Variants in BABAM2 observed in about 807,000 individuals in gnomAD.
The protein encoded by BABAM2 is BRISC and BRCA1-A complex member 2.
BABAM2 carries 31 observed loss-of-function variants against 54.7 expected under a neutral mutation model. The ratio of observed to expected loss-of-function variants is 0.57; its 90% CI spans 0.43 to 0.77. The LOEUF is 0.77. BABAM2 is among the 30% of genes least tolerant of loss of function. The pLI is 0.00. For missense variants in BABAM2, 364 were observed against 455.8 expected (o/e 0.80, Z 1.83); for synonymous variants, 167 against 162.9 (o/e 1.03, Z -0.19).
intron 7 of BABAM2, among the ~76,000 whole-genome samples, chr2:28,236,788 C>T (rs1681955595): frequency 2.0e-5 from 3 of 152,048 alleles, no homozygotes; most frequent in Non-Finnish European, 2.9e-5. Flanking sequence ...AGATAATGGC[C>T]GATAAGCTGT....
intron 5 of BABAM2, among the ~76,000 whole-genome samples, chr2:28,030,432 A>G (rs1333683006): frequency 6.6e-6 from 1 of 152,208 alleles, no homozygotes; most frequent in African/African-American, 2.4e-5. Context: ...GTAACAAGGC[A>G]AAGCTTACAG....
intron 6 of BABAM2, among the ~76,000 whole-genome samples, chr2:28,115,670 G>A (rs1443203217): frequency 6.6e-6 from 1 of 151,742 alleles, no homozygotes; most frequent in Non-Finnish European, 1.5e-5. Flanking sequence ...ATAAAAAAAA[G>A]AGTAGGTCCA....
upstream of BABAM2, chr2:27,890,165 G>A (rs1463500964): frequency 3.3e-6 from 4 of 1,207,738 alleles, no homozygotes; most frequent in African/African-American, 6.0e-5. This position sits in a 1 kb window ranked among gnomAD's most constrained non-coding sequence, Gnocchi z 4.8. Flanking sequence ...TCTATCCCTG[G>A]AGACCCAGCG....
intron 6 of BABAM2, among the ~76,000 whole-genome samples, chr2:28,066,164 A>C (rs988455903): frequency 1.4e-5 from 2 of 147,608 alleles, no homozygotes; most frequent in Admixed American, 6.8e-5. Flanking sequence ...ATCTCATCTC[A>C]AAAAAAAAAT....
intron 2 of BABAM2, among the ~76,000 whole-genome samples, chr2:27,903,827 C>T (rs1390600744): frequency 6.6e-6 from 1 of 152,086 alleles, no homozygotes; most frequent in Non-Finnish European, 1.5e-5. Context: ...AAGATTTGTT[C>T]TTATGTTAGG....
chr2:27,976,238 G>A (rs563303215), intron 3 of BABAM2, among the ~76,000 whole-genome samples: 20 of 152,108 alleles, frequency 1.3e-4, no homozygotes, highest in South Asian at 4.2e-4. Flanking sequence ...GTACATTCAC[G>A]CAAAACATGT....
chr2:28,082,421 G>T (rs1013212908), intron 6 of BABAM2, among the ~76,000 whole-genome samples: 5 of 152,150 alleles, frequency 3.3e-5, no homozygotes, highest in African/African-American at 1.2e-4. Context: ...AACAGCAAGG[G>T]CTATCAGTTA....
At chr2:28,226,250 C>T (rs1296277400) in intron 7 of BABAM2, among the ~76,000 whole-genome samples, 1 of 152,192 alleles carries the variant, frequency 6.6e-6, no homozygotes, top group East Asian at 1.9e-4. Flanking sequence ...TATTTACTAC[C>T]TGGCCTTTTA....
intron 7 of BABAM2, among the ~76,000 whole-genome samples, chr2:28,186,823 T>G (rs1676344696): frequency 7.2e-6 from 1 of 138,770 alleles, no homozygotes; most frequent in African/African-American, 2.6e-5. Flanking sequence ...TTTTTTTTTT[T>G]GAGACAGAGT....
intron 2 of BABAM2, among the ~76,000 whole-genome samples, chr2:27,910,143 T>G (rs1666472783): frequency 3.9e-5 from 6 of 152,336 alleles, no homozygotes. Flanking sequence ...TGTTTGTTTG[T>G]TAGGCCTGTC....
intron 7 of BABAM2, among the ~76,000 whole-genome samples, chr2:28,208,733 T>A (rs1259121915): frequency 2.0e-5 from 3 of 152,134 alleles, no homozygotes; most frequent in Admixed American, 2.0e-4. Flanking sequence ...TCCTGAACAG[T>A]TCTAGCTTGC....
chr2:27,984,930 T>C (rs1358367990), intron 3 of BABAM2, among the ~76,000 whole-genome samples: 3 of 152,136 alleles, frequency 2.0e-5, no homozygotes, highest in African/African-American at 7.2e-5. Context: ...CACTTATGTG[T>C]GAGAGCATAC....
In BABAM2 at chr2:28,144,919, A is replaced by G. The variant is rs190527574; in HGVS notation, c.680+15539A>G. Among the ~76,000 whole-genome samples the G allele has an allele frequency of 8.6e-4, 131 of 152,320 alleles. 1 individual carries two copies. Among genetic ancestry groups the G allele is most frequent in the Admixed American group, 3.4e-3 (52 of 15,300 alleles). ...TCCTTGGTCTTACATGCTACCCACT[A>G]GTTCCTTGGAGGGGGCTCCGGACCA... On this transcript the variant is annotated intron_variant, in intron 7 of 11. Coordinates refer to ENST00000379624, the MANE Select transcript of BABAM2 (RefSeq NM_199191.3).
At chr2:28,265,039 G>C (rs1228935905) in intron 10 of BABAM2, among the ~76,000 whole-genome samples, 2 of 152,180 alleles carry the variant, frequency 1.3e-5, no homozygotes, top group African/African-American at 2.4e-5. Context: ...AGGGTGTACT[G>C]ACCAGTGGGC....
chr2:27,986,142 C>G (rs1370326266), intron 3 of BABAM2, among the ~76,000 whole-genome samples: 1 of 152,034 alleles, frequency 6.6e-6, no homozygotes, highest in Non-Finnish European at 1.5e-5. Context: ...GGGTGGATAT[C>G]AGTTTGAAAA....
chr2:27,982,880 CACAT>C (rs1354897521), intron 3 of BABAM2, among the ~76,000 whole-genome samples: 9 of 151,168 alleles, frequency 6.0e-5, no homozygotes, highest in Non-Finnish European at 8.9e-5. Context: ...CACACACACA[CACAT>C]ATATGTCACA....
chr2:28,250,838 A>G (rs1683406473), intron 10 of BABAM2, among the ~76,000 whole-genome samples: 1 of 152,064 alleles, frequency 6.6e-6, no homozygotes, highest in South Asian at 2.1e-4. Context: ...TGACCTCGTG[A>G]TCTACCCGCC....
intron 3 of BABAM2, among the ~76,000 whole-genome samples, chr2:27,962,473 A>G (rs549096919): frequency 2.6e-5 from 4 of 152,316 alleles, no homozygotes; most frequent in Admixed American, 2.6e-4. Context: ...CCAGATACGT[A>G]TAGCTAAACT....
chr2:27,923,349 G>A (rs559296721), intron 2 of BABAM2, among the ~76,000 whole-genome samples: 6 of 152,304 alleles, frequency 3.9e-5, no homozygotes, highest in Admixed American at 3.9e-4. Flanking sequence ...GTGTAAAACC[G>A]TGGCTCATGC....
Sources: gnomAD v4.1 joint callset for allele counts (sites outside exome capture counted in the v4.1 genomes callset) on GRCh38, gnomAD v4.1.1 for gene constraint, Gnocchi (gnomAD v3.1) non-coding constraint, MANE v1.5 for transcripts, NCBI Gene and HGNC (gene_info 2026-07-23, HGNC 2026-07-21) for gene names.